The following ERICH3 variants were observed in gnomAD, a reference collection of about 807,000 sequenced individuals.
ERICH3 encodes glutamate-rich protein 3.
In ERICH3, 126 loss-of-function variants were observed where a neutral mutation model predicts 131.1. The ratio of observed to expected loss-of-function variants is 0.96; its 90% CI spans 0.83 to 1.11. The LOEUF (loss-of-function observed/expected upper bound fraction) is 1.11, where lower values mean the gene tolerates loss of function less well. ERICH3 is among the 50% of genes most tolerant of loss of function. The pLI is 0.00. For missense variants in ERICH3, 2,050 were observed against 1,810.7 expected, an observed-to-expected ratio of 1.13 and a Z score of -2.40; for synonymous variants, 695 against 644.6, an observed-to-expected ratio of 1.08 and a Z score of -1.18.
chr1:74,593,878 T>C (rs1647721039), intron 11 of ERICH3, among the ~76,000 whole-genome samples: 1 of 152,068 alleles, frequency 6.6e-6, no homozygotes, highest in African/African-American at 2.4e-5. Context: ...CCAAGACCCT[T>C]CTATTTGCTA....
At chr1:74,672,011 T>G (rs1009783049) in intron 1 of ERICH3, among the ~76,000 whole-genome samples, 2 of 152,246 alleles carry the variant, frequency 1.3e-5, no homozygotes, top group African/African-American at 4.8e-5. Context: ...CTTTTCCCCA[T>G]AGGCTTGGAA....
intron 1 of ERICH3, among the ~76,000 whole-genome samples, chr1:74,658,431 A>G (rs1646605749): frequency 6.6e-6 from 1 of 152,146 alleles, no homozygotes; most frequent in Non-Finnish European, 1.5e-5. Context: ...CAGACCAAAC[A>G]AACCCTTGGC....
At chr1:74,597,856 A>G (rs552621639) in intron 11 of ERICH3, among the ~76,000 whole-genome samples, 5 of 152,070 alleles carry the variant, frequency 3.3e-5, no homozygotes, top group Middle Eastern at 3.4e-3. Context: ...CGTGGAACCA[A>G]AATGTCTGAT....
Position 74,644,923 on chromosome 1 carries a change from C to G in ERICH3, c.243+1744G>C, listed in dbSNP as rs1284875138. On this transcript the variant is annotated intron_variant, in intron 3 of 14. Transcript: ENST00000326665. Reference sequence around the variant, plus strand: ...AGGCTCTCCAGAGACTGGGTACCAACTTGTTGGAGAGTGTCACTTCCTGCC... The same window carrying G: ...AGGCTCTCCAGAGACTGGGTACCAAGTTGTTGGAGAGTGTCACTTCCTGCC... Among the ~76,000 whole-genome samples, 4 of 152,126 alleles carry G rather than the reference C, an allele frequency of 2.6e-5. No homozygotes were observed. The East Asian group carries it at 7.7e-4, about 29-fold the overall frequency.
chr1:74,582,147 G>C (rs1252632261), intron 12 of ERICH3, among the ~76,000 whole-genome samples: 1 of 152,190 alleles, frequency 6.6e-6, no homozygotes, highest in African/African-American at 2.4e-5. Flanking sequence ...GGTGGCAACA[G>C]TGGAGAACAC....
rs753067285 is a variant in ERICH3 at position 74,571,892 on chromosome 1, G to C, written c.3818C>G (p.Ala1273Gly). 4 of 1,611,988 alleles carry C rather than the reference G, an allele frequency of 2.5e-6. No homozygotes were observed. Among genetic ancestry groups the C allele is most frequent in the East Asian group, 2.2e-5 (1 of 44,874 alleles). The change falls in exon 14 of 15, where the codon GCT becomes GGT. Residue 1273 changes from alanine to glycine, a missense_variant. Transcript: ENST00000326665. ...CATTATGGGATCTTCCTCAGCAACA[G>C]CTTCCTGGGTCCTTAGCACGACATC... is the stretch of plus-strand genomic sequence containing the variant. ...GVDVVLRTQE[A>G]VAEEDPIMAE...
chr1:74,659,089 G>A (rs1175971337), intron 1 of ERICH3, among the ~76,000 whole-genome samples: 1 of 152,130 alleles, frequency 6.6e-6, no homozygotes, highest in Non-Finnish European at 1.5e-5. Flanking sequence ...TTGGGAGCAG[G>A]GGGATGATTT....
At chr1:74,672,720 T>C (rs1158576345) in intron 1 of ERICH3, among the ~76,000 whole-genome samples, 1 of 152,152 alleles carries the variant, frequency 6.6e-6, no homozygotes, top group East Asian at 1.9e-4. Flanking sequence ...TCGTCTAATA[T>C]GCATTACATT....
At chr1:74,609,785 T>C (rs1205006594) in intron 9 of ERICH3, among the ~76,000 whole-genome samples, 2 of 152,096 alleles carry the variant, frequency 1.3e-5, no homozygotes, top group Non-Finnish European at 2.9e-5. Context: ...GCATTTTAGT[T>C]GAGAGTCATA....
At chr1:74,668,976 G>A (rs1190110613) in intron 1 of ERICH3, among the ~76,000 whole-genome samples, 2 of 152,098 alleles carry the variant, frequency 1.3e-5, no homozygotes, top group Non-Finnish European at 1.5e-5. Context: ...TTGCTAACTC[G>A]GGAGGCAAGA....
Position 74,607,832 on chromosome 1 carries a change from T to C in ERICH3, c.1188-930A>G, listed in dbSNP as rs929439569. Among the ~76,000 whole-genome samples, 7 of 152,074 alleles carry C rather than the reference T, an allele frequency of 4.6e-5. 1 individual carries two copies. Among genetic ancestry groups the C allele is most frequent in the Admixed American group, 3.3e-4 (5 of 15,250 alleles). On this transcript the variant is annotated intron_variant, in intron 9 of 14. Coordinates refer to ENST00000326665, the MANE Select transcript of ERICH3 (RefSeq NM_001002912.5). ...AAAATAAGAATTCCAATGATAATAATATATACATTAATAAAAATGATGATT... is the reference window on the plus strand; with the variant it reads ...AAAATAAGAATTCCAATGATAATAACATATACATTAATAAAAATGATGATT...
intron 1 of ERICH3, among the ~76,000 whole-genome samples, chr1:74,659,377 A>C (rs28481970): frequency 1.3e-5 from 2 of 151,932 alleles, no homozygotes; most frequent in African/African-American, 2.4e-5. Context: ...CAGTTCCAAA[A>C]CCCCCCGTTG....
At chr1:74,576,139 G>A (rs1260592849) in intron 13 of ERICH3, among the ~76,000 whole-genome samples, 1 of 152,114 alleles carries the variant, frequency 6.6e-6, no homozygotes, top group African/African-American at 2.4e-5. Context: ...TCATGAAATG[G>A]GAATAGCAAT....
At chr1:74,658,508 T>C (rs1646606545) in intron 1 of ERICH3, among the ~76,000 whole-genome samples, 1 of 151,892 alleles carries the variant, frequency 6.6e-6, no homozygotes, top group Non-Finnish European at 1.5e-5. Context: ...AAACACCTAG[T>C]AGGTGGGTTC....
chr1:74,616,176 T>C (rs1297250241), intron 8 of ERICH3, among the ~76,000 whole-genome samples: 8 of 151,940 alleles, frequency 5.3e-5, no homozygotes, highest in South Asian at 2.1e-4. Context: ...TATATATATA[T>C]ACACATATAT....
intron 12 of ERICH3, chr1:74,586,547 A>G: frequency 7.5e-6 from 7 of 928,628 alleles, no homozygotes; most frequent in Non-Finnish European, 9.0e-6. Flanking sequence ...AAAAAAGTTT[A>G]TCAAAAACCT....
chr1:74,617,432 G>C (rs1649020880), intron 8 of ERICH3, among the ~76,000 whole-genome samples: 1 of 152,116 alleles, frequency 6.6e-6, no homozygotes, highest in Non-Finnish European at 1.5e-5. Context: ...TCCCAAACTA[G>C]TATCAATACA....
rs970633750 is a variant in ERICH3 at position 74,641,538 on chromosome 1, C to T, written c.316-79G>A. ...GATTATGCATGACATGTGCGAAATA[C>T]TATATGACTAAAGAAATTCTTTCTC... On this transcript the variant is annotated intron_variant, in intron 4 of 14. Transcript: ENST00000326665. 138 of 1,418,422 alleles carry T rather than the reference C, an allele frequency of 9.7e-5. 1 individual carries two copies. The highest frequency in any genetic ancestry group is 2.3e-4 in the South Asian group (18 of 79,734). The allele number at this position is 1,418,422 out of a possible 1,614,324, so 87.9% of individuals were successfully genotyped here. A position where few individuals can be genotyped will look rare whatever the true frequency, so the allele number is the denominator to read the frequency against.
At position 74,573,161 on chromosome 1, in the gene ERICH3, C is replaced by T. The variant is rs923534263; in HGVS notation, c.2549G>A (p.Arg850Lys). The T allele has an allele frequency of 6.2e-7, 1 of 1,613,722 alleles. No homozygotes were observed. The highest frequency in any genetic ancestry group is 1.3e-5 in the African/African-American group (1 of 75,054). The stretch of plus-strand genomic sequence containing the variant: ...GGGGTCTGACCCCCCTTCACCCAGC[C>T]TTCTGACCCCTTCTGCTTCTGCTGC... The part of the protein sequence containing the change: ...EGAAEAEGVR[R>K]LGEGGSDPIG... Residue 850 changes from arginine (R) to lysine (K), a missense_variant, in exon 14 of 15, where the codon AGG becomes AAG. Transcript: ENST00000326665.
Sources: allele counts gnomAD v4.1 joint callset (sites outside exome capture counted in the v4.1 genomes callset), GRCh38; gene constraint gnomAD v4.1.1; transcripts MANE v1.5; gene names NCBI Gene and HGNC (gene_info 2026-07-23, HGNC 2026-07-21).